ADGRG3: variants seen among roughly 807,000 people sequenced by gnomAD.
The protein encoded by ADGRG3 is G protein-coupled receptor 97.
In ADGRG3, 39 loss-of-function variants were observed where a neutral mutation model predicts 54.3. That is an observed-to-expected ratio of 0.72 (90% CI 0.56 to 0.94). ADGRG3 has a LOEUF of 0.94. Among genes scored for constraint, ADGRG3 ranks in the 40% least tolerant of loss-of-function variants. ADGRG3 has a pLI of 0.00. For synonymous variants in ADGRG3, 312 were observed against 290.0 expected, an observed-to-expected ratio of 1.08 and a Z score of -0.77; for missense variants, 654 against 694.6, an observed-to-expected ratio of 0.94 and a Z score of 0.66.
chr16:57,684,513 T>C, intron 10 of ADGRG3, 30 bp downstream of exon 10: 2 of 1,504,442 alleles, frequency 1.3e-6, no homozygotes, highest in Non-Finnish European at 1.8e-6. Context: ...GCAGGGGTGA[T>C]GCCAGCTCCC....
intron 8 of ADGRG3, among the ~76,000 whole-genome samples, chr16:57,682,851 CCTA>C (rs1397025659): frequency 6.6e-6 from 1 of 152,228 alleles, no homozygotes; most frequent in Non-Finnish European, 1.5e-5. Flanking sequence ...GCCTCACTCT[CCTA>C]CTGCATTTTC....
chr16:57,680,425 G>A lies in ADGRG3; in HGVS notation c.768+60G>A, dbSNP rs1171952132. 11 of 1,567,476 alleles carry A rather than the reference G, an allele frequency of 7.0e-6. No individual in the cohort carries two copies. The African/African-American group carries it at 1.5e-4, about 21-fold the overall frequency. ...CAGGGGCTTCCAGCTCCTGCCCTGG[G>A]GAGGGGGCTGCCTGGTGGTCTTTGG... On this transcript the variant is annotated intron_variant, in intron 7 of 11. Coordinates refer to ENST00000333493, the MANE Select transcript of ADGRG3 (RefSeq NM_170776.5).
intron 1 of ADGRG3, among the ~76,000 whole-genome samples, chr16:57,670,598 A>G (rs2048137644): frequency 6.6e-6 from 1 of 152,022 alleles, no homozygotes; most frequent in African/African-American, 2.4e-5. Flanking sequence ...TAAAAAGCCA[A>G]CATAGATCAT....
At chr16:57,668,693 A>G (rs997035469) in intron 1 of ADGRG3, among the ~76,000 whole-genome samples, 2 of 152,022 alleles carry the variant, frequency 1.3e-5, no homozygotes, top group African/African-American at 2.4e-5. Context: ...TGACTCCCCA[A>G]CCTGGGCTGT....
intron 3 of ADGRG3, among the ~76,000 whole-genome samples, chr16:57,677,102 A>G (rs1476979906): frequency 6.6e-6 from 1 of 152,158 alleles, no homozygotes; most frequent in African/African-American, 2.4e-5. Context: ...TGCAGGGGTT[A>G]TGTACTGGCC....
intron 8 of ADGRG3, among the ~76,000 whole-genome samples, chr16:57,683,561 G>A (rs988814597): frequency 5.3e-5 from 8 of 152,068 alleles, no homozygotes; most frequent in Non-Finnish European, 8.8e-5. Context: ...TTGCTCACCC[G>A]TCCCATTCAC....
At chr16:57,678,849 T>C (rs2148704979) in intron 4 of ADGRG3, 1 of 408,138 alleles carries the variant, frequency 2.5e-6, no homozygotes, top group South Asian at 2.8e-5. Flanking sequence ...AGGGGCACGC[T>C]ATCCTCCCCG....
At chr16:57,674,243 C>A (rs189136714) in intron 2 of ADGRG3, among the ~76,000 whole-genome samples, 1 of 152,000 alleles carries the variant, frequency 6.6e-6, no homozygotes, top group African/African-American at 2.4e-5. Flanking sequence ...GCATTGCGTG[C>A]TTGGAAAGGA....
At chr16:57,676,371 G>A (rs778959099) in intron 3 of ADGRG3, 33 bp downstream of exon 3, 21 of 1,599,656 alleles carry the variant, frequency 1.3e-5, no homozygotes, top group South Asian at 1.2e-4. Context: ...TGGCTGGTTC[G>A]GACCCTATTT....
At position 57,685,942 on chromosome 16, in the gene ADGRG3, C is replaced by G. The variant is rs775926394; in HGVS notation, c.1540+16C>G. ...TCCTTGCAAGGTGAGGCCCCTGCACCAGGGAGGTGATGGGCTGTGTTGTCT... is the reference window on the plus strand; with the variant it reads ...TCCTTGCAAGGTGAGGCCCCTGCACGAGGGAGGTGATGGGCTGTGTTGTCT... On this transcript the variant is annotated intron_variant, in intron 11 of 11. Transcript: ENST00000333493. 1.2e-6 allele frequency: 2 copies of G among 1,611,104 alleles called. No homozygotes were observed. The highest frequency in any genetic ancestry group is 2.7e-5 in the African/African-American group (2 of 74,862).
upstream of ADGRG3, among the ~76,000 whole-genome samples, chr16:57,667,010 G>A (rs1278643504): frequency 2.6e-5 from 4 of 152,208 alleles, no homozygotes; most frequent in South Asian, 8.3e-4. Context: ...AGCAGTGGCA[G>A]GCCCAGCCAT....
intron 3 of ADGRG3, among the ~76,000 whole-genome samples, chr16:57,676,717 T>C (rs924387389): frequency 2.6e-5 from 4 of 152,318 alleles, no homozygotes; most frequent in Non-Finnish European, 4.4e-5. Flanking sequence ...AAGATTAACA[T>C]GGCCAGGTGC....
rs145543858 is a variant in ADGRG3 at position 57,685,803 on chromosome 16, C to T, written c.1417C>T (p.Arg473Trp). ...AGCGGTCAAGGAGCGGGGGAAGAAC[C>T]GGAAGAAGGTGCTCACCCTGCTGGG... ...ATAVKERGKN[R>W]KKVLTLLGLS... The change falls in exon 11 of 12, where the codon CGG becomes TGG. Residue 473 changes from arginine to tryptophan, a missense_variant. Arg to Trp is a moderately radical substitution (Grantham distance 101). Transcript: ENST00000333493. 2.1e-5 allele frequency: 34 copies of T among 1,614,156 alleles called. No homozygotes were observed. In the Admixed American group the frequency reaches 2.2e-4, roughly 10 times the overall value.
rs754886811 is a variant in ADGRG3 at position 57,679,307 on chromosome 16, C to T, written c.623C>T (p.Pro208Leu). The change falls in exon 5 of 12, where the codon CCC (proline) becomes CTC (leucine). Residue 208 changes from proline (P) to leucine (L), a missense_variant. Coordinates refer to ENST00000333493, the MANE Select transcript of ADGRG3 (RefSeq NM_170776.5). ...ATCGTCTTCTCTCACCAGCGACCGC[C>T]CCCTGTGAGTCCCCTGCTCAGGCCT... is the stretch of plus-strand genomic sequence containing the variant. ...LEIVFSHQRP[P>L]PNMTLTCVFW... 1.2e-6 allele frequency: 2 copies of T among 1,613,798 alleles called. No homozygotes were observed. The highest frequency in any genetic ancestry group is 1.7e-4 in the Middle Eastern group (1 of 6,060).
chr16:57,676,216 GA>G lies in ADGRG3; in HGVS notation c.224del (p.Glu75GlyfsTer4). The G allele has an allele frequency of 6.2e-7, 1 of 1,613,948 alleles. No homozygotes were observed. The highest frequency in any genetic ancestry group is 8.5e-7 in the Non-Finnish European group (1 of 1,179,954). ...ENLQRYWLNY[E>X]AHLMKEGLTQ... ...CCTTTGCAGATACTGGCTAAACTAC[GA>G]GGCCCATCTGATGAAGGAAGGTTTG... On this transcript the variant is annotated frameshift_variant, in exon 3 of 12. Coordinates refer to ENST00000333493, the MANE Select transcript of ADGRG3 (RefSeq NM_170776.5). LOFTEE classifies it high-confidence loss of function.
At chr16:57,672,224 A>G (rs11866139) in intron 1 of ADGRG3, among the ~76,000 whole-genome samples, 3,679 of 152,168 alleles carry the variant, frequency 0.024, 87 homozygotes, top group African/African-American at 0.064. Context: ...TTATTTGTGT[A>G]AATTTAAAAA....
At chr16:57,673,773 A>G (rs2048206398) in intron 2 of ADGRG3, among the ~76,000 whole-genome samples, 1 of 152,208 alleles carries the variant, frequency 6.6e-6, no homozygotes, top group South Asian at 2.1e-4. Context: ...ACAAGGTGCC[A>G]GGTTAGCCCA....
At chr16:57,666,126 T>C (rs2048052568), upstream of ADGRG3, among the ~76,000 whole-genome samples, 1 of 152,136 alleles carries the variant, frequency 6.6e-6, no homozygotes, top group African/African-American at 2.4e-5. Context: ...CTTCCCTCCT[T>C]ACAGGCTTCT....
Position 57,684,054 on chromosome 16 carries a change from A to G in ADGRG3, c.1004A>G (p.Asp335Gly), listed in dbSNP as rs2048425468. 6.2e-7 allele frequency: 1 copy of G among 1,613,802 alleles called. No individual in the cohort carries two copies. The highest frequency in any genetic ancestry group is 1.3e-5 in the African/African-American group (1 of 74,832). The change falls in exon 9 of 12, where the codon GAT becomes GGT. Residue 335 changes from aspartate (D) to glycine (G), a missense_variant. Physicochemically the swap from Asp to Gly is moderately conservative, Grantham distance 94. Coordinates refer to ENST00000333493, the MANE Select transcript of ADGRG3 (RefSeq NM_170776.5). ...GTGGGGAGTGGCTCAAAGGGGTCTG[A>G]TGCTGCCTGCTGGGCCCGGGGGGCT... ...VNVGSGSKGS[D>G]AACWARGAVF... is the part of the protein sequence containing the mutation.
Sources: allele counts gnomAD v4.1 joint callset (sites outside exome capture counted in the v4.1 genomes callset), GRCh38; gene constraint gnomAD v4.1.1; transcripts MANE v1.5; gene names NCBI Gene and HGNC (gene_info 2026-07-23, HGNC 2026-07-21).